C21orf58: variants seen among roughly 807,000 people sequenced by gnomAD.
The protein encoded by C21orf58 is chromosome 21 open reading frame 58.
In C21orf58, 34 loss-of-function variants were observed where a neutral mutation model predicts 35.8. The ratio of observed to expected loss-of-function variants is 0.95; its 90% CI spans 0.72 to 1.26. C21orf58 has a LOEUF of 1.26. Ranked by LOEUF, C21orf58 falls within the 50% of genes most tolerant of loss-of-function variation. The pLI is 0.00. For synonymous variants in C21orf58, 191 were observed against 175.8 expected (o/e 1.09, Z -0.68); for missense variants, 440 against 414.3 (o/e 1.06, Z -0.54).
chr21:46,317,816 G>A (rs1017995702), intron 2 of C21orf58, among the ~76,000 whole-genome samples, 196 bp downstream of exon 2: 1 of 152,244 alleles, frequency 6.6e-6, no homozygotes, highest in African/African-American at 2.4e-5. Flanking sequence ...TGCGAGGACA[G>A]GCAGGTCGGT....
chr21:46,307,231 C>T (rs1197990134), intron 6 of C21orf58, among the ~76,000 whole-genome samples: 2 of 152,158 alleles, frequency 1.3e-5, no homozygotes, highest in African/African-American at 2.4e-5. Context: ...AGGCTGGTCT[C>T]AAGCTCCTAG....
rs530022876 is a variant in C21orf58 at position 46,322,657 on chromosome 21, C to T, written c.82G>A (p.Gly28Ser). 2 of 1,592,918 alleles carry T rather than the reference C, an allele frequency of 1.3e-6. No homozygotes were observed. The highest frequency in any genetic ancestry group is 4.6e-5 in the East Asian group (2 of 43,422). ...DRQKLPSPDS[G>S]HSLLCGWSPG... ...CGCTCACCACACAGAAGACTGTGGC[C>T]TGAGTCAGGAGAAGGAAGTTTCTGG... The change falls in exon 1 of 8, where the codon GGC becomes AGC. Residue 28 changes from glycine to serine, a missense_variant. Physicochemically the swap from Gly to Ser is moderately conservative, Grantham distance 56. Coordinates refer to ENST00000291691, the MANE Select transcript of C21orf58 (RefSeq NM_058180.5).
At chr21:46,310,817 C>A (rs915874245) in intron 6 of C21orf58, among the ~76,000 whole-genome samples, 14 of 151,218 alleles carry the variant, frequency 9.3e-5, no homozygotes, top group African/African-American at 1.4e-4. Flanking sequence ...CTCTCTCTCT[C>A]TCTAAATAAA....
Position 46,302,064 on chromosome 21 carries a change from A to C in C21orf58, c.904T>G (p.Trp302Gly). Residue 302 changes from tryptophan (W) to glycine (G), a missense_variant, in exon 8 of 8, where the codon TGG (tryptophan) becomes GGG (glycine). Coordinates refer to ENST00000291691, the MANE Select transcript of C21orf58 (RefSeq NM_058180.5). Reference protein sequence around the residue: ...HHHHHHHHAVWPPGAATVLQP... With the variant: ...HHHHHHHHAVGPPGAATVLQP... ...AGGACAGTGGCAGCCCCAGGTGGCC[A>C]CACAGCATGGTGGTGGTGGTGGTGG... is the stretch of plus-strand genomic sequence containing the variant. The C allele has an allele frequency of 6.6e-7, 1 of 1,525,088 alleles. No individual in the cohort carries two copies. The allele number at this position is 1,525,088 out of a possible 1,614,324, so 94.5% of individuals were successfully genotyped here.
chr21:46,322,782 G>A lies in C21orf58; in HGVS notation c.-44C>T. 6.8e-6 allele frequency: 9 copies of A among 1,329,880 alleles called. No homozygotes were observed. Among genetic ancestry groups the A allele is most frequent in the Admixed American group, 3.2e-5 (1 of 31,572 alleles). 82.4% of individuals were successfully genotyped at this position (1,329,880 alleles called of 1,614,324 possible). ...TCGCAGCGAGACTGTCTCAAAAAAA[G>A]AAAAAAAATTCTGAGCGAGATTCCA... is the stretch of plus-strand genomic sequence containing the variant. On this transcript the variant is annotated 5_prime_UTR_variant, in exon 1 of 8. Coordinates refer to ENST00000291691, the MANE Select transcript of C21orf58 (RefSeq NM_058180.5).
At chr21:46,318,380 T>A (rs2063838449) in intron 1 of C21orf58, 160 bp from the exon 2 acceptor site, 1 of 1,444,456 alleles carries the variant, frequency 6.9e-7, no homozygotes, top group Admixed American at 2.7e-5. Flanking sequence ...AGGCTACCGG[T>A]AAACACTCAT....
downstream of C21orf58, chr21:46,300,986 C>T (rs1278453240): frequency 2.6e-5 from 21 of 802,870 alleles, no homozygotes; most frequent in South Asian, 2.7e-4. Context: ...GGGAGTGAGC[C>T]GCCCTTCCAC....
At chr21:46,312,796 C>T (rs1420320064) in intron 5 of C21orf58, among the ~76,000 whole-genome samples, 9 of 152,156 alleles carry the variant, frequency 5.9e-5, no homozygotes, top group African/African-American at 2.2e-4. Flanking sequence ...GTAGGATGGC[C>T]GCATCCCAAC....
rs1360713029 is a variant in C21orf58 at position 46,323,526 on chromosome 21, C to A, written c.-788G>T. ...CGCGGGCTTTCTGACCGCATTCGGC[C>A]GAGTTCTTCTCTGAAGACCCAGGAC... is the stretch of plus-strand genomic sequence containing the variant. On this transcript the variant is annotated 5_prime_UTR_variant, in exon 1 of 8. Transcript: ENST00000291691. The A allele has an allele frequency of 6.5e-6, 1 of 152,754 alleles. No individual in the cohort carries two copies. Among genetic ancestry groups the A allele is most frequent in the Admixed American group, 6.5e-5 (1 of 15,300 alleles). 9.5% of individuals were successfully genotyped at this position (152,754 alleles called of 1,614,324 possible).
chr21:46,315,215 G>T (rs1470119587), intron 4 of C21orf58: 4 of 607,502 alleles, frequency 6.6e-6, no homozygotes, highest in African/African-American at 5.6e-5. Flanking sequence ...TGCATCTTTG[G>T]TGAGTGCCGT....
chr21:46,303,816 A>G (rs1366749603), intron 6 of C21orf58, among the ~76,000 whole-genome samples: 2 of 131,158 alleles, frequency 1.5e-5, no homozygotes, highest in Non-Finnish European at 3.1e-5. Context: ...CAGTGGTGCG[A>G]TCTCGACTCA....
In C21orf58 at chr21:46,301,142, CT is replaced by C. The variant is rs2082092938; in HGVS notation, c.*856del. The C allele has an allele frequency of 4.7e-6, 4 of 854,004 alleles. No individual in the cohort carries two copies. The highest frequency in any genetic ancestry group is 1.1e-4 in the South Asian group (2 of 17,600). The allele number at this position is 854,004 out of a possible 1,614,324, so 52.9% of individuals were successfully genotyped here. A position where few individuals can be genotyped will look rare whatever the true frequency, so the allele number is the denominator to read the frequency against. On this transcript the variant is annotated 3_prime_UTR_variant, in exon 8 of 8. Coordinates refer to ENST00000291691, the MANE Select transcript of C21orf58 (RefSeq NM_058180.5). ...CGTCATACACAGCTTGCTTCTTTCACTTTTTTATTTTATTTTTGAGACAGGG... is the reference window on the plus strand; with the variant it reads ...CGTCATACACAGCTTGCTTCTTTCACTTTTTATTTTATTTTTGAGACAGGG...
In C21orf58 at chr21:46,314,795, T is replaced by C; in HGVS notation, c.530A>G (p.Glu177Gly). Residue 177 changes from glutamate (E) to glycine (G), a missense_variant, in exon 5 of 8, where the codon GAG becomes GGG. By Grantham distance (98) the Glu-to-Gly change is moderately conservative (BLOSUM62 -2). Transcript: ENST00000291691. ...RGALGSALPP[E>G]LPPTGILPTA... ...GGGTAGGATGCCCGTGGGGGGCAGC[T>C]CTGGGGGCAGGGCTGACCCGAGGGC... 6.5e-7 allele frequency: 1 copy of C among 1,539,746 alleles called. No individual in the cohort carries two copies. Among genetic ancestry groups the C allele is most frequent in the Non-Finnish European group, 8.8e-7 (1 of 1,139,364 alleles).
chr21:46,315,322 G>A (rs541452768), intron 4 of C21orf58, 152 bp downstream of exon 4: 3 of 618,280 alleles, frequency 4.9e-6, no homozygotes, highest in African/African-American at 3.7e-5. Context: ...CACCCAGGCA[G>A]GTCTCTAAGC....
chr21:46,314,875 T>G lies in C21orf58; in HGVS notation c.450A>C (p.Gln150His), dbSNP rs1355412641. ...RRDLLQRLRE[Q>H]HLLDELSRAQ... ...CCCGAGAGAGCTCGTCCAGGAGGTG[T>G]TGTTCCTGCAAGGCCGATGCAGAGC... is the stretch of plus-strand genomic sequence containing the variant. The change falls in exon 5 of 8, where the codon CAA (glutamine) becomes CAC (histidine). Residue 150 changes from glutamine to histidine, a missense_variant. Transcript: ENST00000291691. The G allele has an allele frequency of 2.6e-5, 40 of 1,550,254 alleles. No homozygotes were observed. The highest frequency in any genetic ancestry group is 3.3e-5 in the Non-Finnish European group (38 of 1,146,932).
intron 6 of C21orf58, among the ~76,000 whole-genome samples, chr21:46,304,079 TGCAGTGG>T (rs1172883584): frequency 8.3e-6 from 1 of 121,154 alleles, no homozygotes; most frequent in Non-Finnish European, 1.6e-5. Context: ...CAGGCTGGAG[TGCAGTGG>T]TGCAATCTTG....
At chr21:46,302,622 C>A in intron 6 of C21orf58, 46 bp from the exon 7 acceptor site, 2 of 1,474,850 alleles carry the variant, frequency 1.4e-6, no homozygotes, top group South Asian at 1.2e-5. Flanking sequence ...TTCCGTTTTT[C>A]CTATTTGTTA....
intron 6 of C21orf58, among the ~76,000 whole-genome samples, chr21:46,309,461 CAAAA>C (rs1231165345): frequency 1.1e-5 from 1 of 90,286 alleles, no homozygotes; most frequent in African/African-American, 4.3e-5. Flanking sequence ...GACTCCGTCT[CAAAA>C]AAAAAAAAAA....
chr21:46,304,259 T>G (rs1984456170), intron 6 of C21orf58, among the ~76,000 whole-genome samples: 1 of 152,038 alleles, frequency 6.6e-6, no homozygotes, highest in Admixed American at 6.6e-5. Context: ...CTGGAACTCC[T>G]GACCTCATGA....
Sources: gnomAD v4.1 joint callset for allele counts (sites outside exome capture counted in the v4.1 genomes callset) on GRCh38, gnomAD v4.1.1 for gene constraint, MANE v1.5 for transcripts, NCBI Gene and HGNC (gene_info 2026-07-23, HGNC 2026-07-21) for gene names.